Variants in EPHA6 observed in about 807,000 individuals in gnomAD.
EPHA6 encodes EPH receptor A6.
A neutral mutation model predicts 112.0 loss-of-function variants in EPHA6; 50 were observed. The observed-to-expected ratio is 0.45, with a 90% CI of 0.36 to 0.56. EPHA6 has a LOEUF of 0.56. Among genes scored for constraint, EPHA6 ranks in the 20% least tolerant of loss-of-function variants. The pLI is 0.00. For synonymous variants in EPHA6, 529 were observed against 490.7 expected (o/e 1.08, Z -1.03); for missense variants, 1,280 against 1,417.4 (o/e 0.90, Z 1.56).
chr3:97,513,709 T>A lies in EPHA6; in HGVS notation c.2201-18649T>A, dbSNP rs112932695. ...GGAGTGGGGTAGGGGGTGAGGTTGG[T>A]CAATGGGTACAATGTTACAGTTACA... On this transcript the variant is annotated intron_variant, in intron 10 of 17. Transcript: ENST00000389672. 3.7e-3 allele frequency among the ~76,000 whole-genome samples: 566 copies of A among 152,010 alleles called. 2 individuals are homozygous for A. Among genetic ancestry groups the A allele is most frequent in the African/African-American group, 0.013 (529 of 41,448 alleles).
At chr3:97,254,206 T>C (rs1474135263) in intron 5 of EPHA6, among the ~76,000 whole-genome samples, 2 of 152,188 alleles carry the variant, frequency 1.3e-5, no homozygotes, top group African/African-American at 4.8e-5. Context: ...TGTTTGTTTT[T>C]GAGGCAGAGT....
chr3:97,506,682 C>A (rs187305382), intron 10 of EPHA6, among the ~76,000 whole-genome samples: 1 of 147,572 alleles, frequency 6.8e-6, no homozygotes, highest in Non-Finnish European at 1.5e-5. Flanking sequence ...TTTAATTCCA[C>A]GTAGTTGTTT....
At chr3:97,319,444 G>A (rs1025927466) in intron 5 of EPHA6, among the ~76,000 whole-genome samples, 2 of 151,306 alleles carry the variant, frequency 1.3e-5, no homozygotes, top group Admixed American at 1.3e-4. Context: ...GAGGTGGGCG[G>A]AGCATTTGAG....
chr3:97,020,369 C>T (rs557666338), intron 3 of EPHA6, among the ~76,000 whole-genome samples: 36 of 152,080 alleles, frequency 2.4e-4, no homozygotes, highest in African/African-American at 7.0e-4. Flanking sequence ...GTCATTATAG[C>T]GAAATAATAG....
intron 2 of EPHA6, among the ~76,000 whole-genome samples, chr3:96,978,502 A>G (rs1038240952): frequency 2.6e-5 from 4 of 152,190 alleles, no homozygotes; most frequent in Non-Finnish European, 4.4e-5. Flanking sequence ...ATCTATATCA[A>G]TCTTGAATCT....
At chr3:96,935,036 C>T (rs1342557337) in intron 2 of EPHA6, among the ~76,000 whole-genome samples, 1 of 151,310 alleles carries the variant, frequency 6.6e-6, no homozygotes, top group African/African-American at 2.4e-5. Context: ...TAATGTCTAC[C>T]CAACGCTTGT....
At chr3:97,319,926 G>T (rs974525939) in intron 5 of EPHA6, among the ~76,000 whole-genome samples, 1 of 151,970 alleles carries the variant, frequency 6.6e-6, no homozygotes, top group Non-Finnish European at 1.5e-5. Context: ...CAGACAAGCA[G>T]TTAGTTATCT....
chr3:96,961,414 T>A (rs2041945065), intron 2 of EPHA6, among the ~76,000 whole-genome samples: 1 of 152,230 alleles, frequency 6.6e-6, no homozygotes, highest in Admixed American at 6.5e-5. Flanking sequence ...TTCCTGTTTG[T>A]CTTTTGGGTG....
intron 2 of EPHA6, among the ~76,000 whole-genome samples, chr3:96,973,179 A>G (rs190034054): frequency 6.6e-6 from 1 of 152,170 alleles, no homozygotes; most frequent in Non-Finnish European, 1.5e-5. Context: ...AAGGGTTTTT[A>G]GAGAATCCTC....
In EPHA6 at chr3:97,723,612, T is replaced by G. The variant is rs1252077989; in HGVS notation, c.2934+3202T>G. Among the ~76,000 whole-genome samples, 3 of 152,218 alleles carry G rather than the reference T, an allele frequency of 2.0e-5. No individual in the cohort carries two copies. The South Asian group carries it at 6.2e-4, about 32-fold the overall frequency. ...TTTTTCCACTAGGTAGGGTTTAAGC[T>G]GTTGTATTGTCATGGTCTTGACGTG... is the stretch of plus-strand genomic sequence containing the variant. On this transcript the variant is annotated intron_variant, in intron 15 of 17. Transcript: ENST00000389672.
At chr3:97,499,098 G>T (rs2092054583) in intron 10 of EPHA6, among the ~76,000 whole-genome samples, 2 of 152,082 alleles carry the variant, frequency 1.3e-5, no homozygotes, top group Non-Finnish European at 2.9e-5. Flanking sequence ...ATACAAACTA[G>T]AAGGGCATAT....
chr3:97,008,253 G>C (rs1327873629), intron 3 of EPHA6, among the ~76,000 whole-genome samples: 1 of 152,114 alleles, frequency 6.6e-6, no homozygotes, highest in Non-Finnish European at 1.5e-5. Flanking sequence ...ATCAATCATA[G>C]GTTCGGTCTT....
At chr3:97,321,536 C>T (rs2082119235) in intron 5 of EPHA6, among the ~76,000 whole-genome samples, 1 of 151,896 alleles carries the variant, frequency 6.6e-6, no homozygotes, top group Non-Finnish European at 1.5e-5. Context: ...CTAGAGTCTT[C>T]CTATTTTCCT....
intron 2 of EPHA6, among the ~76,000 whole-genome samples, chr3:96,870,583 C>T (rs868005093): frequency 1.3e-5 from 2 of 152,146 alleles, no homozygotes; most frequent in Middle Eastern, 3.4e-3. Flanking sequence ...AATGTTTTAG[C>T]AGTTATCTTT....
intron 5 of EPHA6, among the ~76,000 whole-genome samples, chr3:97,402,036 G>T (rs1389832150): frequency 6.6e-6 from 1 of 151,876 alleles, no homozygotes; most frequent in Non-Finnish European, 1.5e-5. Context: ...TATTATTTCA[G>T]TTTTTATAAA....
In EPHA6 at chr3:97,644,710, C is replaced by T. The variant is rs542224490; in HGVS notation, c.2784+6628C>T. ...TAGAAGAAATGGATAAATTCCTTGA[C>T]ACATACACTCTCCCAAGACTAAACC... On this transcript the variant is annotated intron_variant, in intron 14 of 17. Transcript: ENST00000389672. 1.2e-3 allele frequency among the ~76,000 whole-genome samples: 176 copies of T among 150,178 alleles called. 1 individual carries two copies. The highest frequency in any genetic ancestry group is 4.0e-3 in the African/African-American group (162 of 40,898).
chr3:97,022,196 T>C (rs2044485137), intron 3 of EPHA6, among the ~76,000 whole-genome samples: 1 of 152,180 alleles, frequency 6.6e-6, no homozygotes, highest in South Asian at 2.1e-4. Context: ...CAGAACACAA[T>C]ATTATTATAT....
At chr3:97,543,424 T>G (rs921151651) in intron 11 of EPHA6, among the ~76,000 whole-genome samples, 3 of 152,202 alleles carry the variant, frequency 2.0e-5, no homozygotes, top group African/African-American at 7.2e-5. Context: ...GCATTATTTC[T>G]GAGGGCTCTG....
intron 6 of EPHA6, among the ~76,000 whole-genome samples, chr3:97,427,758 G>A (rs2089244958): frequency 6.6e-6 from 1 of 151,932 alleles, no homozygotes; most frequent in Non-Finnish European, 1.5e-5. Context: ...ACAAAACCAT[G>A]TCCTTTGCAG....
Sources: allele counts gnomAD v4.1 joint callset (sites outside exome capture counted in the v4.1 genomes callset), GRCh38; gene constraint gnomAD v4.1.1; transcripts MANE v1.5; gene names NCBI Gene and HGNC (gene_info 2026-07-23, HGNC 2026-07-21).